DOCK3: variants seen among roughly 807,000 people sequenced by gnomAD.
DOCK3 encodes the protein dedicator of cytokinesis 3.
Under a neutral mutation model 265.6 loss-of-function variants are expected in DOCK3, and 60 were observed. That is an observed-to-expected ratio of 0.23 (90% CI 0.18 to 0.28). The LOEUF (loss-of-function observed/expected upper bound fraction) is 0.28. Ranked by LOEUF, DOCK3 falls within the 10% of genes least tolerant of loss-of-function variation. The pLI is 1.00. For missense variants in DOCK3, 1,981 were observed against 2,594.3 expected (o/e 0.76, Z 5.14); for synonymous variants, 881 against 938.0 (o/e 0.94, Z 1.11).
chr3:50,916,587 G>T (rs1379574709), intron 4 of DOCK3, among the ~76,000 whole-genome samples: 3 of 152,086 alleles, frequency 2.0e-5, no homozygotes, highest in Admixed American at 2.0e-4. Context: ...GGAGGCTGAG[G>T]CTGGTGGATC....
intron 5 of DOCK3, among the ~76,000 whole-genome samples, chr3:50,965,241 T>G (rs1575625208): frequency 6.6e-6 from 1 of 152,096 alleles, no homozygotes; most frequent in Admixed American, 6.5e-5. Context: ...GAAATGACGA[T>G]GAATTTGACT....
chr3:51,374,587 G>A lies in DOCK3; in HGVS notation c.5412G>A (p.Gln1804=). Reference sequence around the variant, plus strand: ...CAGCAGCCATCCTGGAGAACGGACAGGTAATAGACCCACCACACTGACTGT... The same window carrying A: ...CAGCAGCCATCCTGGAGAACGGACAAGTAATAGACCCACCACACTGACTGT... ...MYPAAILENG[Q]PPNFQRALFQ... Residue 1804 remains glutamine, a splice_region_variant and synonymous_variant, in exon 50 of 53, where the codon CAG becomes CAA. Coordinates refer to ENST00000266037, the MANE Select transcript of DOCK3 (RefSeq NM_004947.5). The surrounding 1 kb of genome is among the most constrained non-coding windows in gnomAD (Gnocchi z 4.8). 3 of 1,609,728 alleles carry A rather than the reference G, an allele frequency of 1.9e-6. No homozygotes were observed. The highest frequency in any genetic ancestry group is 2.5e-6 in the Non-Finnish European group (3 of 1,177,980).
intron 5 of DOCK3, among the ~76,000 whole-genome samples, chr3:51,043,864 A>G (rs2080643991): frequency 1.3e-5 from 2 of 152,324 alleles, no homozygotes; most frequent in Admixed American, 1.3e-4. Context: ...TGCAAATCAA[A>G]ACCACAATGA....
At chr3:51,365,999 C>T (rs1402140923) in intron 49 of DOCK3, among the ~76,000 whole-genome samples, 1 of 152,218 alleles carries the variant, frequency 6.6e-6, no homozygotes, top group African/African-American at 2.4e-5. Flanking sequence ...ATGTTGGCCT[C>T]ATAAAATGAA....
intron 4 of DOCK3, among the ~76,000 whole-genome samples, chr3:50,901,338 T>C (rs2049184544): frequency 6.6e-6 from 1 of 151,952 alleles, no homozygotes; most frequent in Non-Finnish European, 1.5e-5. Context: ...CAAGCTCGAG[T>C]GTCCCAGGTC....
At chr3:50,874,259 T>A (rs2047587877) in intron 3 of DOCK3, among the ~76,000 whole-genome samples, 1 of 151,940 alleles carries the variant, frequency 6.6e-6, no homozygotes, top group African/African-American at 2.4e-5. Flanking sequence ...CTCAGCACTT[T>A]GGGAGGCTGA....
chr3:51,312,951 T>C (rs1418208738), intron 31 of DOCK3, 49 bp downstream of exon 31: 1 of 1,515,692 alleles, frequency 6.6e-7, no homozygotes, highest in East Asian at 2.4e-5. Context: ...CATAGCCAAA[T>C]AGAAAGTAGC....
chr3:50,873,088 C>T (rs2047511665), intron 3 of DOCK3, among the ~76,000 whole-genome samples: 1 of 152,164 alleles, frequency 6.6e-6, no homozygotes, highest in Non-Finnish European at 1.5e-5. Flanking sequence ...TTCCCCTCCA[C>T]TTGTCTCAGG....
chr3:51,303,168 A>G (rs981746300), intron 27 of DOCK3, among the ~76,000 whole-genome samples: 4 of 151,814 alleles, frequency 2.6e-5, no homozygotes, highest in Non-Finnish European at 4.4e-5. Flanking sequence ...ATAGTCTTCA[A>G]GCTCTGAAAT....
intron 5 of DOCK3, among the ~76,000 whole-genome samples, chr3:50,988,318 G>A (rs984661380): frequency 9.2e-5 from 14 of 152,068 alleles, no homozygotes; most frequent in East Asian, 3.9e-4. Context: ...TCACTGTGTC[G>A]TAGCTCCCAA....
At chr3:50,978,194 C>T (rs1243853000) in intron 5 of DOCK3, among the ~76,000 whole-genome samples, 8 of 150,364 alleles carry the variant, frequency 5.3e-5, no homozygotes, top group East Asian at 2.0e-4. Context: ...TGAGGAACTG[C>T]GTTCCTTTGG....
At chr3:51,328,118 G>T (rs910180225) in intron 32 of DOCK3, among the ~76,000 whole-genome samples, 2 of 152,170 alleles carry the variant, frequency 1.3e-5, no homozygotes, top group Non-Finnish European at 2.9e-5. Context: ...GGAGGCCTGA[G>T]AATTTTAATT....
intron 25 of DOCK3, 97 bp downstream of exon 25, chr3:51,275,303 T>C: frequency 1.3e-6 from 2 of 1,554,534 alleles, no homozygotes; most frequent in Non-Finnish European, 8.7e-7. Context: ...TTGTACACTT[T>C]TCAGTCACAG....
intron 27 of DOCK3, among the ~76,000 whole-genome samples, chr3:51,285,611 A>G (rs1420072318): frequency 6.6e-6 from 1 of 151,680 alleles, no homozygotes; most frequent in Non-Finnish European, 1.5e-5. Flanking sequence ...AAATTATATA[A>G]TCTGAGGTAC....
chr3:50,784,374 T>A (rs2042077807), intron 2 of DOCK3, among the ~76,000 whole-genome samples: 1 of 152,252 alleles, frequency 6.6e-6, no homozygotes, highest in Non-Finnish European at 1.5e-5. Context: ...TCTATGTGCC[T>A]ATTTTTATAC....
chr3:51,208,866 A>G lies in DOCK3; in HGVS notation c.1126+4A>G, dbSNP rs768202360. Reference sequence around the variant, plus strand: ...TCTGCCCCCAGCGCCAGCCATGGTGAGATACTTCTCTGACTAGAACATTTT... The same window carrying G: ...TCTGCCCCCAGCGCCAGCCATGGTGGGATACTTCTCTGACTAGAACATTTT... On this transcript the variant is annotated splice_donor_region_variant and intron_variant, in intron 13 of 52. Transcript: ENST00000266037. 4 of 1,607,750 alleles carry G rather than the reference A, an allele frequency of 2.5e-6. No individual in the cohort carries two copies. In the East Asian group the frequency reaches 8.9e-5, roughly 36 times the overall value.
intron 12 of DOCK3, among the ~76,000 whole-genome samples, chr3:51,179,079 A>G (rs1208243229): frequency 6.6e-6 from 1 of 152,212 alleles, no homozygotes; most frequent in Non-Finnish European, 1.5e-5. Flanking sequence ...TGTCAGGACA[A>G]CAGGTGTAGA....
chr3:51,297,708 T>G (rs1335524519), intron 27 of DOCK3, among the ~76,000 whole-genome samples: 1 of 151,942 alleles, frequency 6.6e-6, no homozygotes. Context: ...GGAGGTCAAG[T>G]CAGGAGGCAT....
intron 5 of DOCK3, among the ~76,000 whole-genome samples, chr3:50,991,524 G>A (rs561134953): frequency 1.9e-4 from 29 of 152,212 alleles, no homozygotes; most frequent in South Asian, 8.3e-4. Context: ...GGTTCAATTC[G>A]ACAAGAAGAC....
Sources: allele counts gnomAD v4.1 joint callset (sites outside exome capture counted in the v4.1 genomes callset), GRCh38; gene constraint gnomAD v4.1.1; non-coding constraint Gnocchi (gnomAD v3.1); transcripts MANE v1.5; gene names NCBI Gene and HGNC (gene_info 2026-07-23, HGNC 2026-07-21).